Variants in TMEM131L observed in about 807,000 individuals in gnomAD.
The protein encoded by TMEM131L is transmembrane protein 131-like.
In TMEM131L, 54 loss-of-function variants were observed where a neutral mutation model predicts 192.2. The observed-to-expected ratio is 0.28, with a 90% CI of 0.23 to 0.35. The LOEUF is 0.35. Among genes scored for constraint, TMEM131L ranks in the 10% least tolerant of loss-of-function variants. TMEM131L has a pLI of 1.00. For synonymous variants in TMEM131L, 701 were observed against 704.9 expected (o/e 0.99, Z 0.09); for missense variants, 1,888 against 1,972.9 (o/e 0.96, Z 0.82).
intron 3 of TMEM131L, among the ~76,000 whole-genome samples, chr4:153,531,091 C>G (rs938469685): frequency 3.9e-5 from 6 of 152,186 alleles, no homozygotes. Context: ...CTGGAATGAG[C>G]AGCAGATAGA....
chr4:153,520,131 T>G (rs1283575650), intron 3 of TMEM131L, among the ~76,000 whole-genome samples: 1 of 152,010 alleles, frequency 6.6e-6, no homozygotes, highest in Non-Finnish European at 1.5e-5. Context: ...CAGTTTTACT[T>G]AAGATTTGGA....
At chr4:153,573,717 A>G (rs758675471) in intron 7 of TMEM131L, among the ~76,000 whole-genome samples, 7 of 152,206 alleles carry the variant, frequency 4.6e-5, no homozygotes, top group Admixed American at 3.3e-4. Flanking sequence ...AGTGTCCAGT[A>G]AATGACACTT....
Position 153,603,407 on chromosome 4 carries a change from A to G in TMEM131L, c.2744A>G (p.Gln915Arg). 1 of 1,614,118 alleles carries G rather than the reference A, an allele frequency of 6.2e-7. No individual in the cohort carries two copies. The highest frequency in any genetic ancestry group is 1.7e-5 in the Admixed American group (1 of 60,014). Residue 915 changes from glutamine to arginine, a missense_variant, in exon 24 of 35, where the codon CAG becomes CGG. Physicochemically the swap from Gln to Arg is conservative, Grantham distance 43. Coordinates refer to ENST00000409959, the MANE Select transcript of TMEM131L (RefSeq NM_001131007.2). ...AGGCAAAATGCTAGCTCCTCTTCAC[A>G]GCAAAACAATGGTCCTATGGATGTA... ...RQRQNASSSS[Q>R]QNNGPMDVIS...
intron 2 of TMEM131L, among the ~76,000 whole-genome samples, chr4:153,469,542 G>T (rs1731006432): frequency 6.6e-6 from 1 of 152,084 alleles, no homozygotes. Context: ...CAGTACATTG[G>T]GTTTCTTTCA....
At chr4:153,544,234 C>T (rs545039318) in intron 3 of TMEM131L, among the ~76,000 whole-genome samples, 15 of 152,314 alleles carry the variant, frequency 9.8e-5, no homozygotes, top group African/African-American at 2.4e-4. Context: ...GTTCAGTCCT[C>T]GATGTAGGTG....
chr4:153,537,428 TAGTC>T (rs1736419210), intron 3 of TMEM131L, among the ~76,000 whole-genome samples: 2 of 152,190 alleles, frequency 1.3e-5, no homozygotes, highest in African/African-American at 4.8e-5. Flanking sequence ...GGCTACTCCA[TAGTC>T]AGAACAGCCC....
chr4:153,552,264 A>G (rs1737683049), intron 4 of TMEM131L, among the ~76,000 whole-genome samples: 1 of 152,190 alleles, frequency 6.6e-6, no homozygotes, highest in African/African-American at 2.4e-5. Flanking sequence ...GACCTACTTT[A>G]AAGAATATAT....
At chr4:153,614,510 T>G (rs1732840659) in intron 26 of TMEM131L, among the ~76,000 whole-genome samples, 1 of 152,102 alleles carries the variant, frequency 6.6e-6, no homozygotes, top group Non-Finnish European at 1.5e-5. Context: ...TGAAGGTTTC[T>G]GAGTTGGTGG....
intron 3 of TMEM131L, among the ~76,000 whole-genome samples, chr4:153,498,013 G>C (rs750853738): frequency 2.6e-5 from 4 of 151,958 alleles, no homozygotes; most frequent in Admixed American, 6.6e-5. Context: ...TGAAGTTTTT[G>C]GCTAAAGAAA....
At chr4:153,547,749 C>T (rs1012411034) in intron 3 of TMEM131L, among the ~76,000 whole-genome samples, 2 of 152,172 alleles carry the variant, frequency 1.3e-5, no homozygotes, top group South Asian at 2.1e-4. Context: ...TTGGATAGGT[C>T]GTACAGTGCC....
intron 26 of TMEM131L, among the ~76,000 whole-genome samples, chr4:153,614,253 C>T (rs1431592196): frequency 6.6e-6 from 1 of 152,084 alleles, no homozygotes; most frequent in Admixed American, 6.5e-5. Flanking sequence ...GGTCGGAAGG[C>T]CATTGAATGC....
Position 153,602,257 on chromosome 4 carries a change from A to G in TMEM131L, c.2372A>G (p.Asn791Ser), listed in dbSNP as rs749416767. ...TCGTCTCTGAAAATTAATGGGTATA[A>G]CTGCCAAGGTTATGGATTCGAGGTG... The part of the protein sequence containing the change: ...TVSSLKINGY[N>S]CQGYGFEVLD... Residue 791 changes from asparagine to serine, a missense_variant, in exon 22 of 35, where the codon AAC becomes AGC. By Grantham distance (46) the Asn-to-Ser change is conservative. Transcript: ENST00000409959. The G allele has an allele frequency of 8.1e-6, 13 of 1,613,840 alleles. No individual in the cohort carries two copies. In the Admixed American group the frequency reaches 1.8e-4, roughly 23 times the overall value.
intron 32 of TMEM131L, chr4:153,633,410 G>A (rs74740930): frequency 2.2e-5 from 1 of 45,818 alleles, no homozygotes; most frequent in African/African-American, 8.9e-5. Flanking sequence ...TTTTTTTTTT[G>A]TAGAGACAGG....
chr4:153,630,696 G>C (rs893185561), intron 31 of TMEM131L, among the ~76,000 whole-genome samples: 5 of 152,274 alleles, frequency 3.3e-5, no homozygotes, highest in Non-Finnish European at 7.4e-5. Flanking sequence ...ACTGCCCATA[G>C]GATGTGCGTG....
At chr4:153,634,430 A>G (rs910448260) in intron 33 of TMEM131L, 150 bp downstream of exon 33, 23 of 622,434 alleles carry the variant, frequency 3.7e-5, no homozygotes, top group Non-Finnish European at 6.0e-5. Flanking sequence ...ATGTGGATCC[A>G]GTTGTGCACT....
chr4:153,604,544 A>G lies in TMEM131L; in HGVS notation c.3418+114A>G. On this transcript the variant is annotated intron_variant, in intron 25 of 34. Coordinates refer to ENST00000409959, the MANE Select transcript of TMEM131L (RefSeq NM_001131007.2). ...TAATTGTGGATGCTGAGTTTTAGCA[A>G]AGGTTTAAATATTGAAAAAAGACAA... is the stretch of plus-strand genomic sequence containing the variant. 3 of 1,086,820 alleles carry G rather than the reference A, an allele frequency of 2.8e-6. No homozygotes were observed. The South Asian group carries it at 4.8e-5, about 17-fold the overall frequency. The allele number at this position is 1,086,820 out of a possible 1,614,324, so 67.3% of individuals were successfully genotyped here. A position where few individuals can be genotyped will look rare whatever the true frequency, so the allele number is the denominator to read the frequency against.
At chr4:153,584,522 C>T (rs1730573950) in intron 11 of TMEM131L, among the ~76,000 whole-genome samples, 2 of 152,152 alleles carry the variant, frequency 1.3e-5, no homozygotes, top group South Asian at 4.1e-4. Context: ...GGTCAGCTCC[C>T]TTTTGCTCTT....
intron 3 of TMEM131L, among the ~76,000 whole-genome samples, chr4:153,506,141 C>G (rs1289736437): frequency 2.0e-5 from 3 of 152,142 alleles, no homozygotes; most frequent in Admixed American, 6.5e-5. Flanking sequence ...CAAAAGATGA[C>G]CTGAATCTAC....
intron 25 of TMEM131L, among the ~76,000 whole-genome samples, chr4:153,611,083 CAT>C (rs1318883608): frequency 6.6e-6 from 1 of 152,090 alleles, no homozygotes; most frequent in Non-Finnish European, 1.5e-5. Context: ...TGGAAGAAAA[CAT>C]ATTTTCAGAA....
Sources: allele counts gnomAD v4.1 joint callset (sites outside exome capture counted in the v4.1 genomes callset), GRCh38; gene constraint gnomAD v4.1.1; transcripts MANE v1.5; gene names NCBI Gene and HGNC (gene_info 2026-07-23, HGNC 2026-07-21).